Variants in PPFIBP1 observed in about 807,000 individuals in gnomAD.
The protein encoded by PPFIBP1 is liprin-beta-1.
In PPFIBP1, 112 loss-of-function variants were observed where a neutral mutation model predicts 137.8. The observed-to-expected ratio is 0.81, with a 90% CI of 0.70 to 0.95. The LOEUF is 0.95. PPFIBP1 is among the 40% of genes least tolerant of loss of function. PPFIBP1 has a pLI of 0.00. For missense variants in PPFIBP1, 1,083 were observed against 1,196.6 expected (o/e 0.91, Z 1.40); for synonymous variants, 378 against 417.3 (o/e 0.91, Z 1.15).
chr12:27,563,677 C>T (rs545720574), intron 1 of PPFIBP1, among the ~76,000 whole-genome samples: 2 of 152,176 alleles, frequency 1.3e-5, no homozygotes, highest in South Asian at 2.1e-4. Flanking sequence ...GCCTCAAGTT[C>T]GCCCATCATG....
intron 1 of PPFIBP1, among the ~76,000 whole-genome samples, chr12:27,540,338 G>A (rs949603800): frequency 2.6e-5 from 4 of 151,566 alleles, no homozygotes; most frequent in Non-Finnish European, 5.9e-5. Context: ...AGAGTTTGGC[G>A]TAGTTAGCTG....
At chr12:27,652,979 T>C (rs892480627) in intron 7 of PPFIBP1, among the ~76,000 whole-genome samples, 1 of 152,128 alleles carries the variant, frequency 6.6e-6, no homozygotes, top group African/African-American at 2.4e-5. Flanking sequence ...AAAATAGATA[T>C]CATCTAAGTG....
Position 27,667,110 on chromosome 12 carries a change from A to G in PPFIBP1, c.992-56A>G, listed in dbSNP as rs2059905781. The G allele has an allele frequency of 2.8e-6, 4 of 1,421,734 alleles. No individual in the cohort carries two copies. In the South Asian group the frequency reaches 5.0e-5, roughly 18 times the overall value. The allele number at this position is 1,421,734 out of a possible 1,614,324, so 88.1% of individuals were successfully genotyped here. ...ATTGGGATTCTTATCTTCTTGTAAA[A>G]GTGAAATATAAATCAAAAGCTGCTG... On this transcript the variant is annotated intron_variant, in intron 12 of 29. Transcript: ENST00000228425.
At chr12:27,641,946 A>AAAAT (rs55663709) in intron 4 of PPFIBP1, among the ~76,000 whole-genome samples, 9,188 of 147,836 alleles carry the variant, frequency 0.062, 304 homozygotes, top group Non-Finnish European at 0.079. Context: ...TGCAACTGCA[A>AAAAT]AAATAAATAA....
At chr12:27,669,715 A>G (rs1335550694) in intron 13 of PPFIBP1, among the ~76,000 whole-genome samples, 1 of 152,242 alleles carries the variant, frequency 6.6e-6, no homozygotes, top group Non-Finnish European at 1.5e-5. Context: ...AACTGAAAAG[A>G]TTGATAGTTA....
At chr12:27,657,773 C>T (rs1318035909) in intron 9 of PPFIBP1, among the ~76,000 whole-genome samples, 1 of 151,974 alleles carries the variant, frequency 6.6e-6, no homozygotes, top group Non-Finnish European at 1.5e-5. Flanking sequence ...TGATAAGGGA[C>T]ATTCAGAAAC....
intron 2 of PPFIBP1, among the ~76,000 whole-genome samples, chr12:27,606,952 A>G (rs2054586348): frequency 6.6e-6 from 1 of 152,204 alleles, no homozygotes; most frequent in Admixed American, 6.5e-5. Context: ...ATCAGATTTC[A>G]ATGTGCATTG....
chr12:27,649,922 T>A, intron 6 of PPFIBP1, 88 bp from the exon 7 acceptor site: 1 of 1,234,862 alleles, frequency 8.1e-7, no homozygotes, highest in Non-Finnish European at 1.1e-6. Context: ...ACTTGATAGG[T>A]GCTGCTTTGT....
intron 1 of PPFIBP1, chr12:27,549,503 T>C (rs1013771380): frequency 3.3e-5 from 5 of 149,332 alleles, no homozygotes; most frequent in African/African-American, 1.2e-4. Context: ...GGCCAGGAAG[T>C]GTGTACTATG....
At chr12:27,668,690 C>T (rs186580224) in intron 13 of PPFIBP1, among the ~76,000 whole-genome samples, 143 of 152,334 alleles carry the variant, frequency 9.4e-4, no homozygotes, top group Middle Eastern at 3.4e-3. Context: ...CAGAAGAACA[C>T]ATCCACAGCT....
chr12:27,613,041 G>A (rs2055328878), intron 2 of PPFIBP1, among the ~76,000 whole-genome samples: 1 of 152,090 alleles, frequency 6.6e-6, no homozygotes, highest in Non-Finnish European at 1.5e-5. Context: ...TCTGAGCAGA[G>A]GAATGCCTGG....
chr12:27,530,681 T>A (rs1422484210), intron 1 of PPFIBP1, among the ~76,000 whole-genome samples: 1 of 152,194 alleles, frequency 6.6e-6, no homozygotes, highest in Non-Finnish European at 1.5e-5. Flanking sequence ...AAGTGCTAGA[T>A]TTCCCAGAAT....
intron 1 of PPFIBP1, among the ~76,000 whole-genome samples, chr12:27,551,980 C>T (rs993877240): frequency 2.6e-5 from 4 of 152,202 alleles, no homozygotes; most frequent in Non-Finnish European, 5.9e-5. Context: ...AGGTCCGTGT[C>T]TGCCCCTTCA....
At chr12:27,583,666 A>C (rs1403988400) in intron 2 of PPFIBP1, among the ~76,000 whole-genome samples, 1 of 152,196 alleles carries the variant, frequency 6.6e-6, no homozygotes, top group East Asian at 1.9e-4. Flanking sequence ...TAGACTTCTC[A>C]TAAGGGAAAA....
chr12:27,633,835 C>CTTTTTTTTT (rs56705005), intron 3 of PPFIBP1, among the ~76,000 whole-genome samples: 6 of 112,996 alleles, frequency 5.3e-5, no homozygotes, highest in Admixed American at 9.6e-5. Flanking sequence ...ACTCCCGTAT[C>CTTTTTTTTT]TTTTTTTTTT....
chr12:27,552,864 T>C (rs999032844), intron 1 of PPFIBP1: 1 of 151,924 alleles, frequency 6.6e-6, no homozygotes, highest in African/African-American at 2.4e-5. Context: ...AAGAGGAATG[T>C]TGGGGTAAGG....
intron 6 of PPFIBP1, among the ~76,000 whole-genome samples, chr12:27,649,314 A>C (rs1328304589): frequency 6.6e-6 from 1 of 152,184 alleles, no homozygotes; most frequent in Non-Finnish European, 1.5e-5. Context: ...CTTTTGATTA[A>C]GGATAATAAG....
intron 4 of PPFIBP1, among the ~76,000 whole-genome samples, chr12:27,638,496 T>A (rs1351707720): frequency 1.0e-5 from 1 of 96,882 alleles, no homozygotes; most frequent in Non-Finnish European, 2.3e-5. Flanking sequence ...GCTCTGTGTC[T>A]TGGTTTTCTG....
chr12:27,689,259 C>G (rs940159805), intron 27 of PPFIBP1, 56 bp downstream of exon 27: 3 of 1,465,070 alleles, frequency 2.0e-6, no homozygotes, highest in Non-Finnish European at 2.7e-6. Context: ...AACGTTTTGT[C>G]GGTTACCTGG....
Sources: gnomAD v4.1 joint callset for allele counts (sites outside exome capture counted in the v4.1 genomes callset) on GRCh38, gnomAD v4.1.1 for gene constraint, MANE v1.5 for transcripts, NCBI Gene and HGNC (gene_info 2026-07-23, HGNC 2026-07-21) for gene names.